CNTNAP2: variants seen among roughly 807,000 people sequenced by gnomAD.
CNTNAP2 encodes contactin associated protein 2.
CNTNAP2 carries 98 observed loss-of-function variants against 155.2 expected under a neutral mutation model. The observed-to-expected ratio is 0.63, with a 90% CI of 0.54 to 0.75. The LOEUF is 0.75. Among genes scored for constraint, CNTNAP2 ranks in the 30% least tolerant of loss-of-function variants. The pLI is 0.00. For missense variants in CNTNAP2, 1,727 were observed against 1,688.1 expected, an observed-to-expected ratio of 1.02 and a Z score of -0.40; for synonymous variants, 651 against 631.2, an observed-to-expected ratio of 1.03 and a Z score of -0.47.
chr7:148,159,634 G>A (rs1039122346), intron 17 of CNTNAP2, among the ~76,000 whole-genome samples: 2 of 152,182 alleles, frequency 1.3e-5, no homozygotes, highest in Admixed American at 6.6e-5. Context: ...TCTGCCACCT[G>A]TGTGAGGACG....
chr7:148,159,724 C>G (rs1216609491), intron 17 of CNTNAP2, among the ~76,000 whole-genome samples: 1 of 152,198 alleles, frequency 6.6e-6, no homozygotes, highest in African/African-American at 2.4e-5. Flanking sequence ...TCACTAAGCA[C>G]TGCTTGACCT....
chr7:146,375,995 G>T (rs775785612), intron 1 of CNTNAP2, among the ~76,000 whole-genome samples: 5 of 152,146 alleles, frequency 3.3e-5, no homozygotes, highest in Non-Finnish European at 7.4e-5. Flanking sequence ...CAGGTTGACT[G>T]GTTTTACTTT....
intron 9 of CNTNAP2, among the ~76,000 whole-genome samples, chr7:147,346,693 C>T (rs1469258492): frequency 6.6e-6 from 1 of 152,204 alleles, no homozygotes; most frequent in East Asian, 1.9e-4. Context: ...CCACAATTTA[C>T]ACAGCAAATT....
intron 11 of CNTNAP2, among the ~76,000 whole-genome samples, chr7:147,520,522 T>C (rs1024974499): frequency 1.3e-4 from 20 of 152,206 alleles, no homozygotes; most frequent in African/African-American, 4.3e-4. Context: ...GTAAATGACA[T>C]GCAAAGATGG....
intron 1 of CNTNAP2, among the ~76,000 whole-genome samples, chr7:146,304,654 G>A (rs1417110592): frequency 6.6e-6 from 1 of 152,034 alleles, no homozygotes; most frequent in Non-Finnish European, 1.5e-5. Context: ...TAGTCTCATG[G>A]GCTTCCCTTT....
At chr7:146,712,133 T>A (rs1473896143) in intron 1 of CNTNAP2, among the ~76,000 whole-genome samples, 9 of 121,902 alleles carry the variant, frequency 7.4e-5, no homozygotes, top group Admixed American at 3.2e-4. Flanking sequence ...TATACATATC[T>A]TATGTATACT....
At chr7:148,250,023 T>G (rs1453841830) in intron 20 of CNTNAP2, among the ~76,000 whole-genome samples, 1 of 152,190 alleles carries the variant, frequency 6.6e-6, no homozygotes, top group African/African-American at 2.4e-5. Context: ...CAAGCCAAAG[T>G]CTTTCCAGTG....
intron 10 of CNTNAP2, among the ~76,000 whole-genome samples, chr7:147,401,935 A>G (rs778268876): frequency 1.4e-5 from 2 of 146,398 alleles, no homozygotes; most frequent in Non-Finnish European, 3.1e-5. Context: ...CAACGTGAAA[A>G]TGGACTAAAA....
intron 14 of CNTNAP2, among the ~76,000 whole-genome samples, chr7:147,929,465 A>G (rs191079444): frequency 9.0e-4 from 137 of 152,332 alleles, no homozygotes; most frequent in African/African-American, 3.2e-3. Context: ...ATCACAAAAT[A>G]ATAACATTAT....
chr7:146,708,091 G>A (rs1585051186), intron 1 of CNTNAP2, among the ~76,000 whole-genome samples: 1 of 152,170 alleles, frequency 6.6e-6, no homozygotes, highest in Non-Finnish European at 1.5e-5. Flanking sequence ...AAGAAGACAA[G>A]ACTCTATAAA....
intron 1 of CNTNAP2, among the ~76,000 whole-genome samples, chr7:146,427,555 G>T (rs1000415502): frequency 1.3e-5 from 2 of 152,080 alleles, no homozygotes; most frequent in Non-Finnish European, 2.9e-5. Context: ...TCTAGCCATT[G>T]AACAGGATTT....
chr7:147,929,999 T>G (rs1411190438), intron 14 of CNTNAP2, among the ~76,000 whole-genome samples: 2 of 152,044 alleles, frequency 1.3e-5, no homozygotes, highest in Non-Finnish European at 2.9e-5. Context: ...GAGGCGGAGC[T>G]CAGGCGGGAA....
chr7:148,185,674 T>C (rs1795105173), intron 18 of CNTNAP2, among the ~76,000 whole-genome samples: 1 of 152,254 alleles, frequency 6.6e-6, no homozygotes, highest in African/African-American at 2.4e-5. Context: ...ATAAGTAAAA[T>C]GCTTTCTAAA....
chr7:146,549,441 A>G (rs1798081698), intron 1 of CNTNAP2, among the ~76,000 whole-genome samples: 6 of 152,052 alleles, frequency 3.9e-5, no homozygotes, highest in Admixed American at 3.9e-4. Context: ...AAATGCTTTT[A>G]TATCTTAAAA....
intron 10 of CNTNAP2, among the ~76,000 whole-genome samples, chr7:147,426,267 T>C (rs1797376179): frequency 6.6e-6 from 1 of 152,056 alleles, no homozygotes; most frequent in Non-Finnish European, 1.5e-5. Flanking sequence ...TTTATAGAGT[T>C]GCTTTTACCT....
At chr7:147,791,875 C>T (rs927996174) in intron 13 of CNTNAP2, among the ~76,000 whole-genome samples, 2 of 152,194 alleles carry the variant, frequency 1.3e-5, no homozygotes, top group African/African-American at 2.4e-5. Flanking sequence ...CGAAAGGACA[C>T]GGATGTCATT....
At chr7:148,058,643 G>C (rs767801815) in intron 15 of CNTNAP2, among the ~76,000 whole-genome samples, 1 of 152,094 alleles carries the variant, frequency 6.6e-6, no homozygotes, top group Non-Finnish European at 1.5e-5. Context: ...AAGGCGTGTC[G>C]CTTGACTGAG....
chr7:146,944,344 T>C (rs1267381761), intron 3 of CNTNAP2, among the ~76,000 whole-genome samples: 3 of 152,108 alleles, frequency 2.0e-5, no homozygotes, highest in African/African-American at 7.2e-5. Flanking sequence ...CAACTGTAGA[T>C]TTTTTTAATT....
At chr7:147,833,127 GT>G (rs1056090232) in intron 13 of CNTNAP2, among the ~76,000 whole-genome samples, 180 of 139,364 alleles carry the variant, frequency 1.3e-3, no homozygotes, top group Middle Eastern at 3.8e-3. Flanking sequence ...TTTTTCTTAG[GT>G]TTTTTTTTTT....
Sources: gnomAD v4.1 joint callset for allele counts (sites outside exome capture counted in the v4.1 genomes callset) on GRCh38, gnomAD v4.1.1 for gene constraint, MANE v1.5 for transcripts, NCBI Gene and HGNC (gene_info 2026-07-23, HGNC 2026-07-21) for gene names.